Variants in DCC observed in about 807,000 individuals in gnomAD.
DCC encodes the protein DCC netrin 1 receptor.
In DCC, 58 loss-of-function variants were observed where a neutral mutation model predicts 172.5. The ratio of observed to expected loss-of-function variants is 0.34; its 90% CI spans 0.27 to 0.42. The LOEUF is 0.42. Among genes scored for constraint, DCC ranks in the 10% least tolerant of loss-of-function variants. DCC has a pLI of 1.00. For missense variants in DCC, 1,740 were observed against 1,791.0 expected (o/e 0.97, Z 0.51); for synonymous variants, 709 against 644.5 (o/e 1.10, Z -1.52).
Position 52,857,077 on chromosome 18 carries a change from A to G in DCC, c.413-48967A>G, listed in dbSNP as rs531465784. On this transcript the variant is annotated intron_variant, in intron 2 of 28. Transcript: ENST00000442544. ...AAGTATTTTGCTGTTTAACTGATCC[A>G]TCACCATTACATGTGGTTTACTTTT... Among the ~76,000 whole-genome samples, 7 of 152,234 alleles carry G rather than the reference A, an allele frequency of 4.6e-5. No homozygotes were observed. The South Asian group carries it at 1.5e-3, about 32-fold the overall frequency.
chr18:53,279,339 C>T (rs2056841122), intron 12 of DCC, among the ~76,000 whole-genome samples: 1 of 151,746 alleles, frequency 6.6e-6, no homozygotes, highest in Admixed American at 6.6e-5. Context: ...GAGTTCATGT[C>T]CTTTGTAGGG....
chr18:53,188,823 C>T (rs1394341102), intron 9 of DCC, among the ~76,000 whole-genome samples: 1 of 152,138 alleles, frequency 6.6e-6, no homozygotes, highest in African/African-American at 2.4e-5. Flanking sequence ...CCTTGGCATT[C>T]CTTGGCTGGT....
chr18:52,387,066 C>T (rs937145800), intron 1 of DCC, among the ~76,000 whole-genome samples: 2 of 152,180 alleles, frequency 1.3e-5, no homozygotes, highest in South Asian at 2.1e-4. Flanking sequence ...CAAATTACAC[C>T]GAATTCAGCT....
intron 2 of DCC, among the ~76,000 whole-genome samples, chr18:52,858,588 G>T (rs529693819): frequency 6.6e-6 from 1 of 152,248 alleles, no homozygotes; most frequent in East Asian, 1.9e-4. Flanking sequence ...TGGGTCCCCC[G>T]TGTATCTGCA....
intron 5 of DCC, among the ~76,000 whole-genome samples, chr18:53,053,574 T>A (rs1328723601): frequency 6.6e-6 from 1 of 152,192 alleles, no homozygotes; most frequent in Non-Finnish European, 1.5e-5. Context: ...TTAGTGTACT[T>A]CTGTAATGCA....
At chr18:52,799,362 T>C (rs978582424) in intron 2 of DCC, among the ~76,000 whole-genome samples, 1 of 152,158 alleles carries the variant, frequency 6.6e-6, no homozygotes, top group Non-Finnish European at 1.5e-5. Flanking sequence ...TCATCAAAGG[T>C]AAGAGAATTT....
intron 7 of DCC, 93 bp downstream of exon 7, chr18:53,066,259 G>T (rs112660811): frequency 1.8e-6 from 2 of 1,121,218 alleles, no homozygotes; most frequent in Admixed American, 1.8e-5. Context: ...CCCCTCAAGG[G>T]CAATATGGCA....
At chr18:52,637,661 G>A (rs1404317644) in intron 1 of DCC, among the ~76,000 whole-genome samples, 2 of 152,174 alleles carry the variant, frequency 1.3e-5, no homozygotes, top group Non-Finnish European at 2.9e-5. Flanking sequence ...CAAGACGTCT[G>A]GGATTACGTG....
chr18:52,867,564 G>T (rs987549926), intron 2 of DCC, among the ~76,000 whole-genome samples: 3 of 151,632 alleles, frequency 2.0e-5, no homozygotes, highest in African/African-American at 7.3e-5. Flanking sequence ...TTCAGAACTT[G>T]TTATTTGTTT....
At chr18:53,174,324 A>G (rs1261843373) in intron 8 of DCC, among the ~76,000 whole-genome samples, 1 of 149,886 alleles carries the variant, frequency 6.7e-6, no homozygotes, top group Admixed American at 6.6e-5. Flanking sequence ...AGAAATAACT[A>G]AAATCAGAGC....
intron 13 of DCC, among the ~76,000 whole-genome samples, chr18:53,319,668 A>G (rs116953428): frequency 3.9e-4 from 59 of 152,366 alleles, no homozygotes; most frequent in Middle Eastern, 6.8e-3. Context: ...ATGGCTGGCC[A>G]GGCAATTCAA....
intron 26 of DCC, among the ~76,000 whole-genome samples, chr18:53,496,820 A>G (rs2046029608): frequency 6.6e-6 from 1 of 152,254 alleles, no homozygotes; most frequent in Admixed American, 6.5e-5. Context: ...ACAGCACAAG[A>G]ACCTCGTGAA....
intron 9 of DCC, among the ~76,000 whole-genome samples, chr18:53,187,414 G>T (rs2055299607): frequency 6.6e-6 from 1 of 152,114 alleles, no homozygotes; most frequent in South Asian, 2.1e-4. Flanking sequence ...GAACCACCGT[G>T]CCTGGCTCTA....
intron 1 of DCC, among the ~76,000 whole-genome samples, chr18:52,422,980 G>T (rs1987300447): frequency 6.6e-6 from 1 of 152,058 alleles, no homozygotes; most frequent in African/African-American, 2.4e-5. Flanking sequence ...GGACAGAATT[G>T]GATTAGCCAC....
At chr18:52,795,481 C>T (rs1305362090) in intron 2 of DCC, among the ~76,000 whole-genome samples, 1 of 151,806 alleles carries the variant, frequency 6.6e-6, no homozygotes, top group Non-Finnish European at 1.5e-5. Context: ...TCATTTCTAA[C>T]TTATGTGGGT....
chr18:53,053,118 G>A (rs2042356232), intron 5 of DCC, among the ~76,000 whole-genome samples: 1 of 152,076 alleles, frequency 6.6e-6, no homozygotes, highest in African/African-American at 2.4e-5. Context: ...ACTCCAGCCT[G>A]GGCAACAGAG....
intron 5 of DCC, among the ~76,000 whole-genome samples, chr18:53,061,146 G>A (rs187453500): frequency 2.3e-4 from 35 of 152,204 alleles, no homozygotes; most frequent in African/African-American, 7.9e-4. Flanking sequence ...CGAGGTTATA[G>A]ATGAGGATAG....
intron 1 of DCC, among the ~76,000 whole-genome samples, chr18:52,434,217 C>A (rs983034296): frequency 6.6e-6 from 1 of 151,990 alleles, no homozygotes; most frequent in East Asian, 1.9e-4. Flanking sequence ...TACTTTACAC[C>A]ACTGGTGTAA....
chr18:53,166,600 A>T (rs2054926103), intron 8 of DCC, among the ~76,000 whole-genome samples: 1 of 152,214 alleles, frequency 6.6e-6, no homozygotes, highest in Non-Finnish European at 1.5e-5. Flanking sequence ...ATTTGCAGTT[A>T]CAGTAGCCAT....
Sources: gnomAD v4.1 joint callset for allele counts (sites outside exome capture counted in the v4.1 genomes callset) on GRCh38, gnomAD v4.1.1 for gene constraint, MANE v1.5 for transcripts, NCBI Gene and HGNC (gene_info 2026-07-23, HGNC 2026-07-21) for gene names.